Variants in EXOC4 observed in about 807,000 individuals in gnomAD.
The protein encoded by EXOC4 is SEC8-like 1.
Under a neutral mutation model 107.2 loss-of-function variants are expected in EXOC4, and 71 were observed. That is an observed-to-expected ratio of 0.66 (90% CI 0.55 to 0.81). The LOEUF (loss-of-function observed/expected upper bound fraction) is 0.81, where lower values mean the gene tolerates loss of function less well. Among genes scored for constraint, EXOC4 ranks in the 30% least tolerant of loss-of-function variants. The probability of loss-of-function intolerance (pLI) is 0.00; values close to 1 mark genes in which losing one functional copy is unlikely to be tolerated. For synonymous variants in EXOC4, 456 were observed against 441.2 expected (o/e 1.03, Z -0.42); for missense variants, 1,108 against 1,189.6 (o/e 0.93, Z 1.01).
intron 14 of EXOC4, among the ~76,000 whole-genome samples, chr7:133,978,389 A>G (rs1793892911): frequency 6.6e-6 from 1 of 152,188 alleles, no homozygotes; most frequent in Admixed American, 6.5e-5. Context: ...GCATTGCATT[A>G]AAGGTAGCCC....
At chr7:133,796,059 T>G (rs1050213226) in intron 10 of EXOC4, among the ~76,000 whole-genome samples, 2 of 152,222 alleles carry the variant, frequency 1.3e-5, no homozygotes, top group African/African-American at 4.8e-5. Context: ...ATAAACATCT[T>G]ATGAAATCAA....
At chr7:133,410,923 A>G (rs1797341512) in intron 7 of EXOC4, among the ~76,000 whole-genome samples, 1 of 152,188 alleles carries the variant, frequency 6.6e-6, no homozygotes, top group Non-Finnish European at 1.5e-5. Context: ...AAGGTCACCA[A>G]AAGATGACAG....
chr7:133,588,384 G>A (rs569676259), intron 9 of EXOC4, among the ~76,000 whole-genome samples: 1 of 152,026 alleles, frequency 6.6e-6, no homozygotes, highest in Non-Finnish European at 1.5e-5. Flanking sequence ...CAAACCAAAT[G>A]CTTTTTGTTT....
intron 13 of EXOC4, among the ~76,000 whole-genome samples, chr7:133,930,140 C>T (rs1465236597): frequency 6.6e-6 from 1 of 152,152 alleles, no homozygotes; most frequent in African/African-American, 2.4e-5. Flanking sequence ...TATTTTACTC[C>T]TATCACCTGG....
intron 7 of EXOC4, among the ~76,000 whole-genome samples, chr7:133,441,350 A>C (rs1286763214): frequency 6.6e-6 from 1 of 152,076 alleles, no homozygotes; most frequent in Non-Finnish European, 1.5e-5. Context: ...CCATCTGAAG[A>C]TTTTCAGTTG....
At chr7:134,081,284 C>A in the EXOC4 span, among the ~76,000 whole-genome samples, 4 of 152,154 alleles carry the variant, frequency 2.6e-5, no homozygotes, top group East Asian at 7.8e-4. Flanking sequence ...TGGAAGTTGC[C>A]GTGAGCTGAG....
At chr7:133,938,979 G>C (rs1800365885) in intron 14 of EXOC4, among the ~76,000 whole-genome samples, 1 of 152,024 alleles carries the variant, frequency 6.6e-6, no homozygotes, top group African/African-American at 2.4e-5. Context: ...CAAACTCCTG[G>C]GCTCAAGCGA....
chr7:134,067,164 AAAAAAAAAAAG>A (rs1423138610), downstream of EXOC4, among the ~76,000 whole-genome samples: 1 of 99,818 alleles, frequency 1.0e-5, no homozygotes, highest in Non-Finnish European at 2.0e-5. Context: ...AAAAAAAAAA[AAAAAAAAAAAG>A]GCCAACGAAA....
chr7:133,276,715 A>G (rs1404687142), intron 2 of EXOC4, among the ~76,000 whole-genome samples: 1 of 152,118 alleles, frequency 6.6e-6, no homozygotes, highest in East Asian at 1.9e-4. Context: ...GCCCTGTGCT[A>G]TGAGATTGGT....
intron 14 of EXOC4, among the ~76,000 whole-genome samples, chr7:133,985,378 G>A (rs1017417008): frequency 7.9e-5 from 12 of 152,180 alleles, no homozygotes; most frequent in Non-Finnish European, 1.6e-4. Flanking sequence ...ATCACTCTGT[G>A]TACATTACAC....
intron 5 of EXOC4, among the ~76,000 whole-genome samples, chr7:133,334,835 G>A (rs1795474869): frequency 6.6e-6 from 1 of 151,916 alleles, no homozygotes; most frequent in Admixed American, 6.6e-5. Flanking sequence ...TTGATTTTCT[G>A]TTCCTGCGTT....
intron 7 of EXOC4, among the ~76,000 whole-genome samples, chr7:133,387,078 G>C (rs370060616): frequency 2.0e-5 from 3 of 152,130 alleles, no homozygotes; most frequent in East Asian, 3.9e-4. Context: ...TGCACAATTA[G>C]AATGGCCTGT....
chr7:133,771,240 A>G (rs1315163118), intron 10 of EXOC4: 6 of 152,020 alleles, frequency 3.9e-5, no homozygotes, highest in Non-Finnish European at 5.9e-5. Context: ...TTCTTTTTCT[A>G]TCAACTGACA....
chr7:133,652,451 A>T (rs941898841), intron 10 of EXOC4, among the ~76,000 whole-genome samples: 7 of 150,870 alleles, frequency 4.6e-5, no homozygotes, highest in South Asian at 4.2e-4. Flanking sequence ...TTTTTTTTTA[A>T]AAAAAACAAC....
At chr7:133,444,950 C>A (rs1798185254) in intron 7 of EXOC4, among the ~76,000 whole-genome samples, 1 of 151,972 alleles carries the variant, frequency 6.6e-6, no homozygotes, top group South Asian at 2.1e-4. Flanking sequence ...GTATATTTGC[C>A]TAGAGATTAA....
chr7:133,698,075 G>T (rs1187256993), intron 10 of EXOC4, among the ~76,000 whole-genome samples: 1 of 150,768 alleles, frequency 6.6e-6, no homozygotes, highest in African/African-American at 2.4e-5. Flanking sequence ...AAAAACAGAA[G>T]AAAATGAATG....
chr7:133,971,351 TATATATATATAG>T (rs1337234011), intron 14 of EXOC4, among the ~76,000 whole-genome samples: 8 of 102,266 alleles, frequency 7.8e-5, no homozygotes, highest in African/African-American at 2.0e-4. Flanking sequence ...TATATATATA[TATATATATATAG>T]AGAGAGAGAG....
intron 11 of EXOC4, among the ~76,000 whole-genome samples, chr7:133,877,426 A>G (rs976707533): frequency 2.0e-5 from 3 of 152,118 alleles, no homozygotes; most frequent in Non-Finnish European, 2.9e-5. Flanking sequence ...GAACACATTT[A>G]AGCTATTTAG....
chr7:134,054,281 C>T (rs1795871084), intron 17 of EXOC4, among the ~76,000 whole-genome samples: 1 of 152,088 alleles, frequency 6.6e-6, no homozygotes. Context: ...GCCCTTAACA[C>T]CCACCCCAAC....
Sources: allele counts gnomAD v4.1 joint callset (sites outside exome capture counted in the v4.1 genomes callset), GRCh38; gene constraint gnomAD v4.1.1; transcripts MANE v1.5; gene names NCBI Gene and HGNC (gene_info 2026-07-23, HGNC 2026-07-21).